ADAM9: variants seen among roughly 807,000 people sequenced by gnomAD.
ADAM9 encodes the protein ADAM metallopeptidase domain 9.
A neutral mutation model predicts 108.1 loss-of-function variants in ADAM9; 54 were observed. The observed-to-expected ratio is 0.50, with a 90% confidence interval of 0.40 to 0.63. The LOEUF is 0.63. Ranked by LOEUF, ADAM9 falls within the 20% of genes least tolerant of loss-of-function variation. The probability of loss-of-function intolerance (pLI) is 0.00; values close to 1 mark genes in which losing one functional copy is unlikely to be tolerated. For missense variants in ADAM9, 830 were observed against 997.7 expected (o/e 0.83, Z 2.26); for synonymous variants, 316 against 336.0 (o/e 0.94, Z 0.65).
intron 1 of ADAM9, among the ~76,000 whole-genome samples, chr8:39,007,281 G>A (rs1206198755): frequency 6.6e-6 from 1 of 152,160 alleles, no homozygotes; most frequent in African/African-American, 2.4e-5. Flanking sequence ...CTCAGGGATG[G>A]CATTACTCTG....
chr8:39,049,874 A>G (rs192689167), intron 12 of ADAM9, among the ~76,000 whole-genome samples: 2 of 152,244 alleles, frequency 1.3e-5, no homozygotes, highest in African/African-American at 4.8e-5. Flanking sequence ...ATACTTTCTT[A>G]TGCTCCTGTG....
intron 12 of ADAM9, among the ~76,000 whole-genome samples, chr8:39,045,438 G>A (rs866367318): frequency 1.1e-3 from 147 of 131,142 alleles, no homozygotes; most frequent in East Asian, 5.3e-3. Context: ...CTATATGTGC[G>A]CGTGTGTACA....
chr8:39,014,904 T>C, intron 4 of ADAM9: 1 of 230,340 alleles, frequency 4.3e-6, no homozygotes, highest in South Asian at 8.6e-5. Flanking sequence ...TCTGATTTCT[T>C]TATCTTAGTG....
At chr8:39,041,563 A>G (rs919176945) in intron 11 of ADAM9, among the ~76,000 whole-genome samples, 1 of 152,200 alleles carries the variant, frequency 6.6e-6, no homozygotes, top group African/African-American at 2.4e-5. Flanking sequence ...AAAAGATTGG[A>G]GACAACGTAC....
rs1312567771 is a variant in ADAM9, at chr8:39,021,515, C to T, written c.673-128C>T. The stretch of plus-strand genomic sequence containing the variant: ...GCTAGGCTGGTCTCGAACTCCTGAC[C>T]TCAGGTGATCTACCCGCCTGGGCCT... On this transcript the variant is annotated intron_variant, in intron 7 of 21. Coordinates refer to ENST00000487273, the MANE Select transcript of ADAM9 (RefSeq NM_003816.3). The T allele has an allele frequency of 5.1e-6, 4 of 789,534 alleles. No homozygotes were observed. The African/African-American group carries it at 5.1e-5, about 10-fold the overall frequency. 48.9% of individuals were successfully genotyped at this position (789,534 alleles called of 1,614,324 possible).
intron 1 of ADAM9, among the ~76,000 whole-genome samples, chr8:39,002,617 G>A (rs992963750): frequency 2.0e-5 from 3 of 151,898 alleles, no homozygotes; most frequent in African/African-American, 4.8e-5. Flanking sequence ...CACTGTGCCC[G>A]GCCACAATTA....
At chr8:39,071,815 C>G (rs150917810) in intron 15 of ADAM9, among the ~76,000 whole-genome samples, 127 of 152,306 alleles carry the variant, frequency 8.3e-4, no homozygotes, top group African/African-American at 3.0e-3. Flanking sequence ...TTTTCTCCCC[C>G]TTAAATACCT....
chr8:39,102,163 A>G (rs1460454029), intron 21 of ADAM9, among the ~76,000 whole-genome samples: 1 of 152,242 alleles, frequency 6.6e-6, no homozygotes, highest in Admixed American at 6.5e-5. Flanking sequence ...CTGCTGCCAC[A>G]GCTTTCATGT....
rs75868654 is a variant in ADAM9, at chr8:39,041,798, T to C, written c.1131-148T>C. 8,724 of 680,126 alleles carry C rather than the reference T, an allele frequency of 0.013. 565 individuals are homozygous for C. The African/African-American group carries it at 0.14, about 11-fold the overall frequency. 42.1% of individuals were successfully genotyped at this position (680,126 alleles called of 1,614,324 possible). A position where few individuals can be genotyped will look rare whatever the true frequency, so the allele number is the denominator to read the frequency against. On this transcript the variant is annotated intron_variant, in intron 11 of 21. Coordinates refer to ENST00000487273, the MANE Select transcript of ADAM9 (RefSeq NM_003816.3). ...AGTAATGTTCAATATTTATCACAAG[T>C]AGATATGAATTCTCATTTCTGTCCA...
chr8:39,029,884 G>A (rs1374946737), intron 11 of ADAM9, among the ~76,000 whole-genome samples: 1 of 152,100 alleles, frequency 6.6e-6, no homozygotes, highest in African/African-American at 2.4e-5. Context: ...GGGTGATGCT[G>A]GGCTCATAAA....
chr8:39,010,297 C>G (rs901010066), intron 2 of ADAM9, among the ~76,000 whole-genome samples: 3 of 152,258 alleles, frequency 2.0e-5, no homozygotes, highest in South Asian at 4.1e-4. Context: ...TAGAAAGGCA[C>G]ATGACAAAGC....
intron 20 of ADAM9, among the ~76,000 whole-genome samples, chr8:39,100,617 G>A (rs1839662243): frequency 6.6e-6 from 1 of 152,116 alleles, no homozygotes; most frequent in African/African-American, 2.4e-5. Context: ...AAGGGATGGA[G>A]ACATTTTGTT....
At chr8:39,004,463 C>T (rs943756344) in intron 1 of ADAM9, among the ~76,000 whole-genome samples, 3 of 152,164 alleles carry the variant, frequency 2.0e-5, no homozygotes, top group African/African-American at 4.8e-5. Context: ...GATCCTCCTG[C>T]CTTGGCCTCC....
At chr8:39,056,657 T>G (rs28434452) in intron 14 of ADAM9, among the ~76,000 whole-genome samples, 62,497 of 152,022 alleles carry the variant, frequency 0.41, 13,638 homozygotes, top group East Asian at 0.73. Flanking sequence ...GAGTTACTAA[T>G]TCTGTCTTTC....
rs1403026453 is a variant in ADAM9, at chr8:39,045,107, T to C, written c.1302+2990T>C. On this transcript the variant is annotated intron_variant, in intron 12 of 21. Coordinates refer to ENST00000487273, the MANE Select transcript of ADAM9 (RefSeq NM_003816.3). The stretch of plus-strand genomic sequence containing the variant: ...GCATACATACATATGTGTGTGTGCA[T>C]ACATACATATGTGTGTGTGCATACA... Among the ~76,000 whole-genome samples the C allele has an allele frequency of 1.5e-3, 30 of 20,544 alleles. 5 individuals carry two copies. Among genetic ancestry groups the C allele is most frequent in the African/African-American group, 5.5e-3 (29 of 5,260 alleles). The allele number at this position is 20,544 out of a possible 152,430, so 13.5% of individuals were successfully genotyped here.
Position 39,031,580 on chromosome 8 carries a change from C to T in ADAM9, c.1130+4770C>T, listed in dbSNP as rs148131618. 8.8e-3 allele frequency among the ~76,000 whole-genome samples: 1,343 copies of T among 152,250 alleles called. 16 individuals are homozygous for T. Among genetic ancestry groups the T allele is most frequent in the African/African-American group, 0.03 (1,253 of 41,536 alleles). ...TTTTTCAAAGTTTTTAGCTTCCTTG[C>T]GATGGGTTCGAATATCCTCCTTTAG... On this transcript the variant is annotated intron_variant, in intron 11 of 21. Coordinates refer to ENST00000487273, the MANE Select transcript of ADAM9 (RefSeq NM_003816.3).
rs1837683103 is a variant in ADAM9 at position 39,045,353 on chromosome 8, CATACATATAGGTGTGTGTACAT to C, written c.1302+3238_1302+3259del. ...GTGTGTACACCTATACATGTGTGTA[CATACATATAGGTGTGTGTACAT>C]ACACCTATAGGTGTGTGTACACACA... On this transcript the variant is annotated intron_variant, in intron 12 of 21. Coordinates refer to ENST00000487273, the MANE Select transcript of ADAM9 (RefSeq NM_003816.3). Among the ~76,000 whole-genome samples, 7 of 116,776 alleles carry C rather than the reference CATACATATAGGTGTGTGTACAT, an allele frequency of 6.0e-5. 1 individual carries two copies. The highest frequency in any genetic ancestry group is 2.6e-4 in the South Asian group (1 of 3,870). The allele number at this position is 116,776 out of a possible 152,430, so 76.6% of individuals were successfully genotyped here.
chr8:39,079,211 T>C (rs551871758), intron 16 of ADAM9, among the ~76,000 whole-genome samples: 21 of 152,226 alleles, frequency 1.4e-4, no homozygotes, highest in Non-Finnish European at 2.4e-4. Context: ...AATGCACCCT[T>C]TCTGCCACCT....
At chr8:39,039,515 C>G (rs992358257) in intron 11 of ADAM9, among the ~76,000 whole-genome samples, 1 of 152,212 alleles carries the variant, frequency 6.6e-6, no homozygotes, top group Admixed American at 6.5e-5. Flanking sequence ...GTTTGTCTTA[C>G]ATATCTGCTA....
Sources: allele counts gnomAD v4.1 joint callset (sites outside exome capture counted in the v4.1 genomes callset), GRCh38; gene constraint gnomAD v4.1.1; transcripts MANE v1.5; gene names NCBI Gene and HGNC (gene_info 2026-07-23, HGNC 2026-07-21).